Variants in CACNB4 observed in about 807,000 individuals in gnomAD.
CACNB4 encodes voltage-dependent L-type calcium channel subunit beta-4.
In CACNB4, 32 loss-of-function variants were observed where a neutral mutation model predicts 71.2. The ratio of observed to expected loss-of-function variants is 0.45; its 90% CI spans 0.34 to 0.60. The LOEUF is 0.60. CACNB4 is among the 20% of genes least tolerant of loss of function. The probability of loss-of-function intolerance (pLI) is 0.01; values close to 1 mark genes in which losing one functional copy is unlikely to be tolerated. For missense variants in CACNB4, 464 were observed against 647.9 expected, an observed-to-expected ratio of 0.72 and a Z score of 3.08; for synonymous variants, 231 against 236.9, an observed-to-expected ratio of 0.97 and a Z score of 0.23.
At chr2:152,079,380 G>A (rs974398106) in intron 2 of CACNB4, among the ~76,000 whole-genome samples, 2 of 151,716 alleles carry the variant, frequency 1.3e-5, no homozygotes, top group South Asian at 4.2e-4. Context: ...GAGCCACCAC[G>A]CCCGGCCGTG....
In CACNB4 at chr2:151,995,811, A is replaced by T. The variant is rs1484155171; in HGVS notation, c.147+102519T>A. 2.0e-5 allele frequency among the ~76,000 whole-genome samples: 3 copies of T among 152,238 alleles called. No individual in the cohort carries two copies. In the South Asian group the frequency reaches 6.2e-4, roughly 31 times the overall value. ...CTATGTTGGGAAACTACCTACCAGT[A>T]CCTGGTAAAGCTATCAACTTCTCCT... On this transcript the variant is annotated intron_variant, in intron 2 of 13. Coordinates refer to ENST00000539935, the MANE Select transcript of CACNB4 (RefSeq NM_000726.5).
intron 2 of CACNB4, among the ~76,000 whole-genome samples, chr2:152,035,717 T>TA (rs1442748799): frequency 2.0e-5 from 3 of 151,454 alleles, no homozygotes; most frequent in Non-Finnish European, 4.4e-5. Flanking sequence ...TTGTCCTTGT[T>TA]AGACAAACCG....
intron 2 of CACNB4, among the ~76,000 whole-genome samples, chr2:152,000,349 G>A (rs780967846): frequency 1.1e-4 from 16 of 152,150 alleles, no homozygotes; most frequent in Admixed American, 3.9e-4. Flanking sequence ...TAGCAGTGTG[G>A]CCTTACACAA....
chr2:152,012,216 G>C (rs1683095591), intron 2 of CACNB4, among the ~76,000 whole-genome samples: 2 of 152,088 alleles, frequency 1.3e-5, no homozygotes, highest in South Asian at 4.1e-4. Flanking sequence ...CTGCCCCTGA[G>C]ATCCTTCCAG....
At chr2:152,040,488 C>G (rs1173669554) in intron 2 of CACNB4, among the ~76,000 whole-genome samples, 1 of 152,210 alleles carries the variant, frequency 6.6e-6, no homozygotes, top group East Asian at 1.9e-4. Flanking sequence ...GTCACCCAGG[C>G]TGGAGTGCAG....
In CACNB4 at chr2:151,896,797, T is replaced by C. The variant is rs140842648; in HGVS notation, c.148-13427A>G. ...CTAGGAAATAGGGTTTTGATTGGAA[T>C]AAAACAGCACTTTACTGATGTTATC... On this transcript the variant is annotated intron_variant, in intron 2 of 13. Coordinates refer to ENST00000539935, the MANE Select transcript of CACNB4 (RefSeq NM_000726.5). Among the ~76,000 whole-genome samples the C allele has an allele frequency of 9.5e-4, 144 of 152,332 alleles. 1 individual carries two copies. Among genetic ancestry groups the C allele is most frequent in the African/African-American group, 3.3e-3 (139 of 41,572 alleles).
intron 2 of CACNB4, among the ~76,000 whole-genome samples, chr2:151,932,159 T>A (rs983303966): frequency 6.6e-6 from 1 of 151,924 alleles, no homozygotes; most frequent in Non-Finnish European, 1.5e-5. Context: ...AATAAGCACA[T>A]AAAATATAAA....
chr2:151,938,609 A>C (rs1479288290), intron 2 of CACNB4, among the ~76,000 whole-genome samples: 1 of 152,200 alleles, frequency 6.6e-6, no homozygotes, highest in Non-Finnish European at 1.5e-5. Flanking sequence ...TGTCATTTCA[A>C]AGTTTTACCT....
At chr2:151,974,537 A>G (rs112284612) in intron 2 of CACNB4, among the ~76,000 whole-genome samples, 1,595 of 152,324 alleles carry the variant, frequency 0.01, 25 homozygotes, top group African/African-American at 0.037. Flanking sequence ...AAAACTTCTC[A>G]ACTTTTAGAT....
At chr2:152,006,760 T>A (rs559209089) in intron 2 of CACNB4, among the ~76,000 whole-genome samples, 49 of 152,210 alleles carry the variant, frequency 3.2e-4, no homozygotes, top group Non-Finnish European at 6.5e-4. Flanking sequence ...GTTTCATTCA[T>A]ACGAACCCTA....
intron 2 of CACNB4, among the ~76,000 whole-genome samples, chr2:151,953,496 T>A (rs1217631296): frequency 6.6e-6 from 1 of 152,258 alleles, no homozygotes; most frequent in African/African-American, 2.4e-5. Flanking sequence ...ACGAATCATA[T>A]GACTTTTTTT....
chr2:151,972,163 G>A (rs1485518853), intron 2 of CACNB4: 1 of 152,456 alleles, frequency 6.6e-6, no homozygotes, highest in East Asian at 1.9e-4. Context: ...AGAACAAGGA[G>A]CTGGATTTAT....
chr2:152,004,411 C>G (rs894364693), intron 2 of CACNB4, among the ~76,000 whole-genome samples: 43 of 152,084 alleles, frequency 2.8e-4, no homozygotes, highest in African/African-American at 9.2e-4. Context: ...CACACTTCTG[C>G]CCTGTGCAAG....
rs1227642715 is a variant in CACNB4 at position 151,838,971 on chromosome 2, T to A, written c.*148A>T. ...TAGACTCAAGGGCATAATGTAATTTTTTTTTTTGCCCCTTACTTAGCATAA... is the reference window on the plus strand; with the variant it reads ...TAGACTCAAGGGCATAATGTAATTTATTTTTTTGCCCCTTACTTAGCATAA... On this transcript the variant is annotated 3_prime_UTR_variant, in exon 14 of 14. Transcript: ENST00000539935. The A allele has an allele frequency of 1.7e-6, 1 of 602,046 alleles. No individual in the cohort carries two copies. The highest frequency in any genetic ancestry group is 2.8e-5 in the East Asian group (1 of 35,898). The allele number at this position is 602,046 out of a possible 1,614,324, so 37.3% of individuals were successfully genotyped here.
intron 2 of CACNB4, among the ~76,000 whole-genome samples, chr2:151,910,678 C>T (rs1238490852): frequency 6.6e-6 from 1 of 152,152 alleles, no homozygotes; most frequent in Non-Finnish European, 1.5e-5. Context: ...GGTACCAGTA[C>T]CATGCTGTTT....
chr2:152,054,919 T>C (rs1685646937), intron 2 of CACNB4, among the ~76,000 whole-genome samples: 1 of 152,200 alleles, frequency 6.6e-6, no homozygotes, highest in Non-Finnish European at 1.5e-5. Context: ...TTGAAACGTC[T>C]TTTCTACTGA....
At chr2:151,997,287 C>T (rs1242566762) in intron 2 of CACNB4, among the ~76,000 whole-genome samples, 1 of 152,186 alleles carries the variant, frequency 6.6e-6, no homozygotes, top group Non-Finnish European at 1.5e-5. Context: ...GTAATCCCAG[C>T]ACTTTGGGAG....
chr2:151,911,278 T>G (rs1017080234), intron 2 of CACNB4, among the ~76,000 whole-genome samples: 1 of 152,180 alleles, frequency 6.6e-6, no homozygotes, highest in African/African-American at 2.4e-5. Context: ...CTCTTCCTAT[T>G]TGAATACCCT....
In CACNB4 at chr2:151,849,161, C is replaced by T. The variant is rs188089104; in HGVS notation, c.1116+4287G>A. Among the ~76,000 whole-genome samples the T allele has an allele frequency of 1.4e-3, 209 of 152,340 alleles. 2 individuals are homozygous for T. Among genetic ancestry groups the T allele is most frequent in the African/African-American group, 4.7e-3 (194 of 41,586 alleles). Reference sequence around the variant, plus strand: ...CCAGTAGCCCATTTTCCCCACTCATCTTACTGTCTATGACAGATTTTAAAT... The same window carrying T: ...CCAGTAGCCCATTTTCCCCACTCATTTTACTGTCTATGACAGATTTTAAAT... On this transcript the variant is annotated intron_variant, in intron 12 of 13. Coordinates refer to ENST00000539935, the MANE Select transcript of CACNB4 (RefSeq NM_000726.5).
Sources: allele counts gnomAD v4.1 joint callset (sites outside exome capture counted in the v4.1 genomes callset), GRCh38; gene constraint gnomAD v4.1.1; transcripts MANE v1.5; gene names NCBI Gene and HGNC (gene_info 2026-07-23, HGNC 2026-07-21).